Variants in MED19 observed in about 807,000 individuals in gnomAD.
MED19 encodes the protein mediator complex subunit 19.
In MED19, 4 loss-of-function variants were observed where a neutral mutation model predicts 19.9. That is an observed-to-expected ratio of 0.20 (90% CI 0.10 to 0.46). The LOEUF (loss-of-function observed/expected upper bound fraction) is 0.46. Among genes scored for constraint, MED19 ranks in the 20% least tolerant of loss-of-function variants. MED19 has a pLI of 0.99. For missense variants in MED19, 303 were observed against 318.7 expected, an observed-to-expected ratio of 0.95 and a Z score of 0.38; for synonymous variants, 139 against 119.6, an observed-to-expected ratio of 1.16 and a Z score of -1.06.
At chr11:57,703,972 GC>G in exon 5 of MED19, 2 of 1,526,820 alleles carry the variant, frequency 1.3e-6, no homozygotes, top group Non-Finnish European at 1.7e-6. Flanking sequence ...AGCCTGGAAG[GC>G]AGCTTTTATC....
At chr11:57,703,951 CAGTG>C (rs1946477910) in exon 5 of MED19, 2 of 1,506,140 alleles carry the variant, frequency 1.3e-6, no homozygotes, top group South Asian at 2.5e-5. Context: ...GCTCCCAAGG[CAGTG>C]TCCAAGAGCC....
intron 2 of MED19, 44 bp from the exon 3 acceptor site, chr11:57,704,859 T>C: frequency 6.2e-7 from 1 of 1,609,650 alleles, no homozygotes; most frequent in Non-Finnish European, 8.5e-7. Flanking sequence ...AGGGAGGAAA[T>C]CTCTCCTGCT....
chr11:57,708,504 GC>G (rs1384396517), intron 1 of MED19, among the ~76,000 whole-genome samples: 1 of 152,096 alleles, frequency 6.6e-6, no homozygotes, highest in East Asian at 1.9e-4. Context: ...TCAAGGTCTA[GC>G]TCAAGTGACA....
intron 1 of MED19, among the ~76,000 whole-genome samples, chr11:57,707,779 A>C (rs2135417136): frequency 6.6e-6 from 1 of 152,248 alleles, no homozygotes; most frequent in Non-Finnish European, 1.5e-5. Context: ...GCTTTTTCTA[A>C]ACTGTAACTT....
At chr11:57,712,005 C>G in exon 1 of MED19, 4 of 1,528,936 alleles carry the variant, frequency 2.6e-6, no homozygotes, top group Non-Finnish European at 2.6e-6. Context: ...CAGCCAGCTC[C>G]TGACTTGTCC....
At chr11:57,707,219 T>G (rs1194711470) in intron 1 of MED19, among the ~76,000 whole-genome samples, 1 of 151,700 alleles carries the variant, frequency 6.6e-6, no homozygotes, top group Non-Finnish European at 1.5e-5. Flanking sequence ...AAAAAAAGTA[T>G]TATATGTATG....
intron 1 of MED19, among the ~76,000 whole-genome samples, chr11:57,706,741 C>T (rs562258403): frequency 1.3e-5 from 2 of 149,994 alleles, no homozygotes; most frequent in African/African-American, 2.5e-5. Flanking sequence ...TCAAAAAAAA[C>T]AAAACAAAAC....
At position 57,708,011 on chromosome 11, in the gene MED19, T is replaced by C. The variant is rs184957067; in HGVS notation, c.218-2782A>G. ...CCATGCTAGGCTAATTTTTGTATTT[T>C]TTGTAGAGACAGGGGTCTCCCTATG... On this transcript the variant is annotated intron_variant, in intron 1 of 4. Coordinates refer to ENST00000431606, the Ensembl canonical transcript of MED19. 2.4e-3 allele frequency among the ~76,000 whole-genome samples: 368 copies of C among 152,076 alleles called. 3 individuals carry two copies. The highest frequency in any genetic ancestry group is 0.011 in the Admixed American group (165 of 15,260).
chr11:57,705,514 C>T (rs750376426), intron 1 of MED19, among the ~76,000 whole-genome samples: 5 of 151,872 alleles, frequency 3.3e-5, no homozygotes, highest in South Asian at 4.2e-4. Flanking sequence ...ATTAGCCAGG[C>T]GTGGTAGCAC....
At chr11:57,705,919 T>TA (rs1388618886) in intron 1 of MED19, among the ~76,000 whole-genome samples, 1 of 151,936 alleles carries the variant, frequency 6.6e-6, no homozygotes, top group Non-Finnish European at 1.5e-5. Flanking sequence ...GCTAGGAAAA[T>TA]ACGACCTTGC....
exon 2 of MED19, chr11:57,705,075 G>C: frequency 1.2e-6 from 2 of 1,614,158 alleles, no homozygotes; most frequent in Non-Finnish European, 1.7e-6. Flanking sequence ...GGAGGCTGCT[G>C]TTATCATGGG....
Position 57,704,608 on chromosome 11 carries a change from G to A in MED19, c.571+111C>T, listed in dbSNP as rs116551129. The A allele has an allele frequency of 6.7e-4, 1,081 of 1,606,570 alleles. 9 individuals carry two copies. The African/African-American group carries it at 0.012, about 19-fold the overall frequency. ...CTTCAGGGGAATTTAGGAGTCCAGA[G>A]CTCCATACGGAACTTAACTGGGTTT... On this transcript the variant is annotated intron_variant, in intron 3 of 4. Coordinates refer to ENST00000431606, the Ensembl canonical transcript of MED19.
At chr11:57,705,616 T>C (rs557990155) in intron 1 of MED19, among the ~76,000 whole-genome samples, 2 of 145,660 alleles carry the variant, frequency 1.4e-5, no homozygotes, top group South Asian at 2.1e-4. Context: ...ATTGCGCCAC[T>C]GCACTCCAGC....
chr11:57,711,273 T>C (rs1308128342), intron 1 of MED19, among the ~76,000 whole-genome samples: 2 of 152,184 alleles, frequency 1.3e-5, no homozygotes, highest in Non-Finnish European at 2.9e-5. Context: ...CCCAAACCAA[T>C]AGCAAGTCTG....
At chr11:57,705,182 A>T in exon 2 of MED19, 1 of 1,614,180 alleles carries the variant, frequency 6.2e-7, no homozygotes, top group South Asian at 1.1e-5. Flanking sequence ...GCTTGTTCCA[A>T]GTTGTAGTGT....
chr11:57,703,785 A>C (rs778139280), exon 5 of MED19: 14 of 456,356 alleles, frequency 3.1e-5, no homozygotes, highest in South Asian at 1.7e-4. Flanking sequence ...ATTGCACAAA[A>C]GAGAGAGAAG....
intron 1 of MED19, among the ~76,000 whole-genome samples, chr11:57,708,576 A>AT (rs1946532396): frequency 1.3e-5 from 2 of 152,178 alleles, no homozygotes; most frequent in Non-Finnish European, 2.9e-5. Flanking sequence ...GTAGTTCTTA[A>AT]TATTGATGGC....
intron 1 of MED19, 89 bp downstream of exon 1, chr11:57,711,874 C>A: frequency 1.5e-6 from 2 of 1,351,186 alleles, no homozygotes; most frequent in Non-Finnish European, 1.9e-6. Context: ...CCTAGGTTAC[C>A]TCGCACCTCC....
chr11:57,711,316 A>G (rs1946592249), intron 1 of MED19, among the ~76,000 whole-genome samples: 2 of 152,192 alleles, frequency 1.3e-5, no homozygotes, highest in African/African-American at 2.4e-5. Flanking sequence ...TTGGGTCCCC[A>G]AAGATATTAA....
Sources: gnomAD v4.1 joint callset for allele counts (sites outside exome capture counted in the v4.1 genomes callset) on GRCh38, gnomAD v4.1.1 for gene constraint, MANE v1.5 for transcripts, NCBI Gene and HGNC (gene_info 2026-07-23, HGNC 2026-07-21) for gene names.